NECTIN3: variants seen among roughly 807,000 people sequenced by gnomAD.
The protein encoded by NECTIN3 is nectin cell adhesion molecule 3.
A neutral mutation model predicts 49.4 loss-of-function variants in NECTIN3; 8 were observed. That is an observed-to-expected ratio of 0.16 (90% CI 0.10 to 0.29). NECTIN3 has a LOEUF of 0.29. Among genes scored for constraint, NECTIN3 ranks in the 10% least tolerant of loss-of-function variants. NECTIN3 has a pLI of 1.00. For synonymous variants in NECTIN3, 277 were observed against 241.1 expected, an observed-to-expected ratio of 1.15 and a Z score of -1.38; for missense variants, 581 against 654.6, an observed-to-expected ratio of 0.89 and a Z score of 1.23.
chr3:111,165,393 C>T (rs1292491179), intron 7 of NECTIN3, among the ~76,000 whole-genome samples: 1 of 152,084 alleles, frequency 6.6e-6, no homozygotes, highest in Non-Finnish European at 1.5e-5. Flanking sequence ...GGTACCTGAA[C>T]TGATGAAATT....
chr3:111,169,143 G>T (rs1306432491), intron 7 of NECTIN3, among the ~76,000 whole-genome samples: 2 of 131,590 alleles, frequency 1.5e-5, no homozygotes, highest in East Asian at 4.8e-4. Context: ...AGGCTGGAGT[G>T]CAGTGGCGCA....
intron 7 of NECTIN3, among the ~76,000 whole-genome samples, chr3:111,148,414 G>A (rs955273440): frequency 1.3e-5 from 2 of 152,206 alleles, no homozygotes; most frequent in African/African-American, 4.8e-5. Context: ...ACACAGTTAG[G>A]TGTCCTGATG....
At position 111,134,224 on chromosome 3, in the gene NECTIN3, G is replaced by A; in HGVS notation, c.*9G>A. ...GGGAGTGGTATGTTTAGCAACCACT[G>A]AATGTGACTTAACTATGTACAATGT... is the stretch of plus-strand genomic sequence containing the variant. On this transcript the variant is annotated 3_prime_UTR_variant, in exon 6 of 6. Coordinates refer to ENST00000485303, the MANE Select transcript of NECTIN3 (RefSeq NM_015480.3). 1 of 1,577,374 alleles carries A rather than the reference G, an allele frequency of 6.3e-7. No homozygotes were observed. Among genetic ancestry groups the A allele is most frequent in the East Asian group, 2.2e-5 (1 of 44,716 alleles).
At chr3:111,169,405 C>CA (rs1166758466) in intron 7 of NECTIN3, among the ~76,000 whole-genome samples, 9 of 140,342 alleles carry the variant, frequency 6.4e-5, no homozygotes, top group African/African-American at 2.2e-4. Context: ...TTTAAGAGCA[C>CA]AGTTGGATAT....
rs72622317 is a variant in NECTIN3, at chr3:111,109,801, A to C, written c.161-2229A>C. Among the ~76,000 whole-genome samples the C allele has an allele frequency of 0.041, 6,170 of 152,004 alleles. 728 individuals are homozygous for C. In the East Asian group the frequency reaches 0.45, roughly 11 times the overall value. On this transcript the variant is annotated intron_variant, in intron 1 of 5. Transcript: ENST00000485303. ...TGGCAGTTATTTCTACCCTGTTTTT[A>C]AAAAAATTTTATCAGGGTTTTCACT...
In NECTIN3 at chr3:111,133,944, A is replaced by C; in HGVS notation, c.1379A>C (p.Gln460Pro). The change falls in exon 6 of 6, where the codon CAA becomes CCA. Residue 460 changes from glutamine (Q) to proline (P), a missense_variant. By Grantham distance (76) the Gln-to-Pro change is moderately conservative. Transcript: ENST00000485303. ...QKESQIDVLQ[Q>P]DELDSYPDSV... is the part of the protein sequence containing the mutation. ...GAATCACAAATAGATGTTCTTCAAC[A>C]AGATGAGCTTGATTCTTACCCAGAC... 13 of 1,613,926 alleles carry C rather than the reference A, an allele frequency of 8.1e-6. No homozygotes were observed. Among genetic ancestry groups the C allele is most frequent in the Non-Finnish European group, 1.0e-5 (12 of 1,179,892 alleles).
At chr3:111,108,651 G>T (rs1413838823) in intron 1 of NECTIN3, among the ~76,000 whole-genome samples, 1 of 152,116 alleles carries the variant, frequency 6.6e-6, no homozygotes, top group Non-Finnish European at 1.5e-5. Flanking sequence ...CATGGTGCTG[G>T]CATCTGTTTC....
intron 1 of NECTIN3, among the ~76,000 whole-genome samples, chr3:111,079,364 CATT>C (rs2031446167): frequency 6.6e-6 from 1 of 151,828 alleles, no homozygotes; most frequent in Non-Finnish European, 1.5e-5. Flanking sequence ...GATATATTTT[CATT>C]ATATTTGTAG....
chr3:111,090,192 G>GT (rs2032180487), intron 1 of NECTIN3, among the ~76,000 whole-genome samples: 1 of 152,004 alleles, frequency 6.6e-6, no homozygotes, highest in Non-Finnish European at 1.5e-5. Context: ...GTCTACTAGG[G>GT]TTTGTCTTTT....
intron 5 of NECTIN3, among the ~76,000 whole-genome samples, chr3:111,143,333 C>T (rs913299708): frequency 6.6e-6 from 1 of 151,638 alleles, no homozygotes; most frequent in African/African-American, 2.4e-5. Context: ...GTTTCAGAAT[C>T]TATTCATTGG....
At chr3:111,115,270 C>A (rs1003238147) in intron 2 of NECTIN3, among the ~76,000 whole-genome samples, 1 of 152,078 alleles carries the variant, frequency 6.6e-6, no homozygotes, top group Admixed American at 6.5e-5. Flanking sequence ...ATTGATTGTT[C>A]AAAGGATTTA....
chr3:111,100,025 C>G (rs1489446120), intron 1 of NECTIN3, among the ~76,000 whole-genome samples: 1 of 152,110 alleles, frequency 6.6e-6, no homozygotes, highest in Non-Finnish European at 1.5e-5. Context: ...TAGTCCAACT[C>G]CAAAGTTCTT....
chr3:111,181,401 G>T lies in NECTIN3; in HGVS notation c.1222-10950G>T, dbSNP rs1179022881. ...TTTTGGTTTAAAGTTTTGGGATGTT[G>T]TGAAGAAAAAAACCTTTTTCCTTTT... On this transcript the variant is annotated intron_variant, in intron 7 of 8. Transcript: ENST00000493615. Among the ~76,000 whole-genome samples, 4 of 152,050 alleles carry T rather than the reference G, an allele frequency of 2.6e-5. No homozygotes were observed. In the South Asian group the frequency reaches 6.2e-4, roughly 24 times the overall value.
intron 1 of NECTIN3, among the ~76,000 whole-genome samples, chr3:111,102,757 C>G (rs1428207208): frequency 6.6e-6 from 1 of 152,072 alleles, no homozygotes; most frequent in East Asian, 1.9e-4. Flanking sequence ...GCTGTGTTGT[C>G]TTCTAGGGTT....
chr3:111,128,847 C>T (rs751130918), intron 5 of NECTIN3, among the ~76,000 whole-genome samples: 2 of 152,152 alleles, frequency 1.3e-5, no homozygotes, highest in South Asian at 2.1e-4. Context: ...TTGCCTGTGT[C>T]CCCCTTCAGT....
At chr3:111,146,515 A>C (rs1478829495) in intron 6 of NECTIN3, among the ~76,000 whole-genome samples, 1 of 152,098 alleles carries the variant, frequency 6.6e-6, no homozygotes, top group Admixed American at 6.5e-5. Context: ...AATTTCAAAA[A>C]CAATTTACTG....
In NECTIN3 at chr3:111,134,028, A is replaced by G; in HGVS notation, c.1463A>G (p.Glu488Gly). 6.2e-7 allele frequency: 1 copy of G among 1,613,162 alleles called. No homozygotes were observed. The highest frequency in any genetic ancestry group is 8.5e-7 in the Non-Finnish European group (1 of 1,179,584). The change falls in exon 6 of 6, where the codon GAA becomes GGA. Residue 488 changes from glutamate to glycine, a missense_variant. Transcript: ENST00000485303. ...VNNLIRKDYL[E>G]EPEKTQWNNV... ...AATCTAATACGTAAAGACTATTTAG[A>G]AGAGCCTGAAAAAACTCAGTGGAAC...
chr3:111,129,859 A>G (rs2034313526), intron 5 of NECTIN3, among the ~76,000 whole-genome samples: 1 of 151,938 alleles, frequency 6.6e-6, no homozygotes, highest in Admixed American at 6.6e-5. Flanking sequence ...CGTGTTGCCC[A>G]GGCTGGTCTT....
intron 4 of NECTIN3, among the ~76,000 whole-genome samples, 161 bp downstream of exon 4, chr3:111,122,399 A>G (rs989744947): frequency 2.0e-5 from 3 of 151,634 alleles, no homozygotes; most frequent in Non-Finnish European, 2.9e-5. Context: ...CCACCTTCCT[A>G]CCCCCTCAGT....
Sources: gnomAD v4.1 joint callset for allele counts (sites outside exome capture counted in the v4.1 genomes callset) on GRCh38, gnomAD v4.1.1 for gene constraint, MANE v1.5 for transcripts, NCBI Gene and HGNC (gene_info 2026-07-23, HGNC 2026-07-21) for gene names.